Variants in PRKCE observed in about 807,000 individuals in gnomAD.
PRKCE encodes the protein protein kinase C epsilon type.
A neutral mutation model predicts 85.4 loss-of-function variants in PRKCE; 16 were observed. The observed-to-expected ratio is 0.19, with a 90% confidence interval of 0.13 to 0.28. The LOEUF (loss-of-function observed/expected upper bound fraction) is 0.28. PRKCE is among the 10% of genes least tolerant of loss of function. The probability of loss-of-function intolerance (pLI) is 1.00; values close to 1 mark genes in which losing one functional copy is unlikely to be tolerated. For synonymous variants in PRKCE, 388 were observed against 371.5 expected, an observed-to-expected ratio of 1.04 and a Z score of -0.51; for missense variants, 573 against 975.2, an observed-to-expected ratio of 0.59 and a Z score of 5.49.
chr2:45,937,075 G>T (rs1181688921), intron 2 of PRKCE, among the ~76,000 whole-genome samples: 4 of 152,232 alleles, frequency 2.6e-5, no homozygotes, highest in Non-Finnish European at 5.9e-5. Flanking sequence ...CATGAAAGAA[G>T]AGTGCTCCCA....
intron 1 of PRKCE, among the ~76,000 whole-genome samples, chr2:45,730,470 T>C (rs1294393935): frequency 1.3e-5 from 2 of 150,602 alleles, no homozygotes; most frequent in African/African-American, 4.9e-5. Context: ...TTTTTTTTTT[T>C]TTTTCCCGAG....
intron 2 of PRKCE, among the ~76,000 whole-genome samples, chr2:45,927,156 C>G (rs1018095690): frequency 6.6e-6 from 1 of 151,496 alleles, no homozygotes; most frequent in Non-Finnish European, 1.5e-5. Flanking sequence ...GCACGGGACA[C>G]AGGATGGTAA....
intron 2 of PRKCE, among the ~76,000 whole-genome samples, chr2:45,851,252 A>G (rs1320746774): frequency 1.3e-5 from 2 of 152,266 alleles, no homozygotes; most frequent in African/African-American, 4.8e-5. Flanking sequence ...AAGAGGGACT[A>G]GTATTTGATT....
intron 2 of PRKCE, among the ~76,000 whole-genome samples, chr2:45,973,150 A>G (rs1171606178): frequency 6.6e-6 from 1 of 152,246 alleles, no homozygotes; most frequent in African/African-American, 2.4e-5. Flanking sequence ...GCGGAGGGAA[A>G]TGCTGAAGGG....
intron 2 of PRKCE, among the ~76,000 whole-genome samples, chr2:45,942,182 A>G (rs1316066665): frequency 6.6e-6 from 1 of 152,220 alleles, no homozygotes; most frequent in Admixed American, 6.5e-5. Context: ...TTGCTATAAG[A>G]CATTGATTCT....
intron 1 of PRKCE, among the ~76,000 whole-genome samples, chr2:45,842,509 G>A (rs1430553927): frequency 6.6e-6 from 1 of 152,136 alleles, no homozygotes; most frequent in African/African-American, 2.4e-5. Flanking sequence ...GACAGGCTTG[G>A]CATTGAATCT....
chr2:46,019,295 A>G (rs919162402), intron 10 of PRKCE, among the ~76,000 whole-genome samples: 15 of 152,018 alleles, frequency 9.9e-5, no homozygotes, highest in Non-Finnish European at 1.6e-4. Flanking sequence ...TCCCAAAGCT[A>G]TGCACATCGG....
chr2:46,094,601 G>A (rs1471029129), intron 11 of PRKCE, among the ~76,000 whole-genome samples: 1 of 147,826 alleles, frequency 6.8e-6, no homozygotes, highest in Admixed American at 6.7e-5. Context: ...CACATGGTGG[G>A]GAACTACACA....
chr2:46,151,358 T>C, intron 13 of PRKCE, 129 bp downstream of exon 13: 1 of 995,156 alleles, frequency 1.0e-6, no homozygotes, highest in Non-Finnish European at 1.4e-6. Context: ...GCTTTCTCCC[T>C]CCCACCTCTG....
chr2:46,084,958 T>C (rs1486654396), intron 10 of PRKCE, among the ~76,000 whole-genome samples: 1 of 152,132 alleles, frequency 6.6e-6, no homozygotes, highest in African/African-American at 2.4e-5. Flanking sequence ...CCTTTTTCTC[T>C]GAATCTTTTT....
intron 10 of PRKCE, among the ~76,000 whole-genome samples, chr2:46,020,132 G>A (rs867459261): frequency 6.6e-6 from 1 of 152,094 alleles, no homozygotes; most frequent in Non-Finnish European, 1.5e-5. Flanking sequence ...TTACAGGTGT[G>A]AGCCACTGTG....
intron 9 of PRKCE, among the ~76,000 whole-genome samples, chr2:46,009,042 G>C (rs1286068702): frequency 1.3e-5 from 2 of 152,184 alleles, no homozygotes; most frequent in African/African-American, 4.8e-5. Context: ...ACTGTACTTA[G>C]GAGTTACTTA....
At chr2:45,912,942 G>A (rs928957334) in intron 2 of PRKCE, among the ~76,000 whole-genome samples, 2 of 152,142 alleles carry the variant, frequency 1.3e-5, no homozygotes, top group Non-Finnish European at 2.9e-5. Flanking sequence ...CCATTCTGAG[G>A]ACACAGTGGT....
At position 45,934,888 on chromosome 2, in the gene PRKCE, A is replaced by AC. The variant is rs1183081577; in HGVS notation, c.413-41540dup. 4.6e-5 allele frequency among the ~76,000 whole-genome samples: 5 copies of AC among 107,956 alleles called. No homozygotes were observed. In the East Asian group the frequency reaches 9.6e-4, roughly 21 times the overall value. 70.8% of individuals were successfully genotyped at this position (107,956 alleles called of 152,430 possible). On this transcript the variant is annotated intron_variant, in intron 2 of 14. Coordinates refer to ENST00000306156, the MANE Select transcript of PRKCE (RefSeq NM_005400.3). Reference sequence around the variant, plus strand: ...GGCAACATGGAGAGACCATGTCTCTACAAAAAAAAAAAAAAAATTTAAATT... The same window carrying AC: ...GGCAACATGGAGAGACCATGTCTCTACCAAAAAAAAAAAAAAAATTTAAATT...
intron 1 of PRKCE, among the ~76,000 whole-genome samples, chr2:45,840,144 C>T (rs970187537): frequency 3.3e-5 from 5 of 152,098 alleles, no homozygotes; most frequent in African/African-American, 1.2e-4. Flanking sequence ...TGTACTTTGC[C>T]AATAAAGTCC....
At chr2:45,713,882 G>T (rs981390136) in intron 1 of PRKCE, among the ~76,000 whole-genome samples, 1 of 152,116 alleles carries the variant, frequency 6.6e-6, no homozygotes, top group African/African-American at 2.4e-5. Flanking sequence ...TTTACACAAA[G>T]GACTTTTATT....
chr2:46,022,810 G>T (rs564662862), intron 10 of PRKCE, among the ~76,000 whole-genome samples: 6 of 152,304 alleles, frequency 3.9e-5, no homozygotes, highest in African/African-American at 1.4e-4. Context: ...TCGGCCGGGC[G>T]CGGTGGCTCA....
chr2:45,725,432 G>C (rs983660580), intron 1 of PRKCE, among the ~76,000 whole-genome samples: 1 of 152,126 alleles, frequency 6.6e-6, no homozygotes, highest in Non-Finnish European at 1.5e-5. Flanking sequence ...TTTTGACTTT[G>C]AAGTCTTATT....
chr2:45,935,568 C>G (rs1003322146), intron 2 of PRKCE, among the ~76,000 whole-genome samples: 3 of 152,268 alleles, frequency 2.0e-5, no homozygotes, highest in Admixed American at 6.5e-5. Context: ...AGGTGGATCA[C>G]TTGAGGCCAG....
Sources: gnomAD v4.1 joint callset for allele counts (sites outside exome capture counted in the v4.1 genomes callset) on GRCh38, gnomAD v4.1.1 for gene constraint, MANE v1.5 for transcripts, NCBI Gene and HGNC (gene_info 2026-07-23, HGNC 2026-07-21) for gene names.